HCN1: variants seen among roughly 807,000 people sequenced by gnomAD.
The protein encoded by HCN1 is potassium/sodium hyperpolarization-activated cyclic nucleotide-gated channel 1.
In HCN1, 13 loss-of-function variants were observed where a neutral mutation model predicts 78.9. That is an observed-to-expected ratio of 0.16 (90% CI 0.11 to 0.26). The LOEUF is 0.26. Ranked by LOEUF, HCN1 falls within the 10% of genes least tolerant of loss-of-function variation. The pLI is 1.00. For missense variants in HCN1, 810 were observed against 1,154.3 expected, an observed-to-expected ratio of 0.70 and a Z score of 4.32; for synonymous variants, 552 against 455.5, an observed-to-expected ratio of 1.21 and a Z score of -2.70.
intron 2 of HCN1, among the ~76,000 whole-genome samples, chr5:45,557,006 G>T (rs185346386): frequency 7.9e-5 from 12 of 151,860 alleles, no homozygotes; most frequent in Non-Finnish European, 1.5e-4. Context: ...TTCGATTTCC[G>T]TTCTCTTGTC....
intron 5 of HCN1, among the ~76,000 whole-genome samples, chr5:45,317,458 A>G (rs1259452334): frequency 1.3e-5 from 2 of 152,232 alleles, no homozygotes; most frequent in Non-Finnish European, 2.9e-5. Context: ...AACCATAAAA[A>G]CCCTAGAAGA....
chr5:45,407,174 G>A (rs780013525), intron 3 of HCN1, among the ~76,000 whole-genome samples: 4 of 152,104 alleles, frequency 2.6e-5, no homozygotes, highest in Non-Finnish European at 2.9e-5. Flanking sequence ...ATGATGGACC[G>A]TACATTCAGC....
At chr5:45,277,371 CAGA>C (rs1232055248) in intron 6 of HCN1, among the ~76,000 whole-genome samples, 1 of 152,032 alleles carries the variant, frequency 6.6e-6, no homozygotes, top group Non-Finnish European at 1.5e-5. Context: ...GCACTGACAA[CAGA>C]AGTAGTCTCT....
chr5:45,259,089 G>A lies in HCN1; in HGVS notation c.*2832C>T, dbSNP rs1383657587. On this transcript the variant is annotated 3_prime_UTR_variant, in exon 8 of 8. Transcript: ENST00000303230. Reference sequence around the variant, plus strand: ...TTGAAAAATCCATGTTCTATTTAAAGTCCTCTCATTCCAGAATTATAGAAT... The same window carrying A: ...TTGAAAAATCCATGTTCTATTTAAAATCCTCTCATTCCAGAATTATAGAAT... 6.6e-6 allele frequency: 1 copy of A among 151,870 alleles called. No individual in the cohort carries two copies. The highest frequency in any genetic ancestry group is 2.1e-4 in the South Asian group (1 of 4,820). The allele number at this position is 151,870 out of a possible 1,614,324, so 9.4% of individuals were successfully genotyped here.
Position 45,267,162 on chromosome 5 carries a change from G to A in HCN1, c.1710C>T (p.Asn570=), listed in dbSNP as rs141455774. The change falls in exon 7 of 8, where the codon AAC becomes AAT. Residue 570 remains asparagine (N), a synonymous_variant. Coordinates refer to ENST00000303230, the MANE Select transcript of HCN1 (RefSeq NM_021072.4). ...RLYSLSVDNF[N]EVLEEYPMMR... is the part of the protein sequence containing the mutation. Reference sequence around the variant, plus strand: ...TCATTGGATATTCCTCCAGGACCTCGTTGAAATTGTCCACGGAAAGTGAGT... The same window carrying A: ...TCATTGGATATTCCTCCAGGACCTCATTGAAATTGTCCACGGAAAGTGAGT... 92 of 1,613,694 alleles carry A rather than the reference G, an allele frequency of 5.7e-5. No individual in the cohort carries two copies. In the African/African-American group the frequency reaches 1.1e-3, roughly 19 times the overall value.
intron 2 of HCN1, among the ~76,000 whole-genome samples, chr5:45,585,922 T>G (rs1404477012): frequency 6.6e-6 from 1 of 152,164 alleles, no homozygotes; most frequent in Non-Finnish European, 1.5e-5. Flanking sequence ...GTGTGAGGTG[T>G]CAGTCTGCCC....
intron 2 of HCN1, among the ~76,000 whole-genome samples, chr5:45,579,590 C>A (rs2049656): frequency 1.9e-4 from 29 of 151,878 alleles, no homozygotes; most frequent in Non-Finnish European, 1.0e-4. Flanking sequence ...AAGAGCCAAA[C>A]AAAAAAGTGA....
chr5:45,313,585 T>A (rs1331945210), intron 5 of HCN1, among the ~76,000 whole-genome samples: 1 of 152,132 alleles, frequency 6.6e-6, no homozygotes, highest in Non-Finnish European at 1.5e-5. Context: ...AAGGAGGAAG[T>A]GCAAATCCAC....
chr5:45,499,952 CACAA>C (rs1003539456), intron 2 of HCN1, among the ~76,000 whole-genome samples: 4 of 152,144 alleles, frequency 2.6e-5, no homozygotes, highest in African/African-American at 7.2e-5. Context: ...ACATAAAACA[CACAA>C]ACACAGTCTG....
chr5:45,593,372 C>G (rs1340458629), intron 2 of HCN1, among the ~76,000 whole-genome samples: 1 of 144,130 alleles, frequency 6.9e-6, no homozygotes, highest in Non-Finnish European at 1.5e-5. Flanking sequence ...ACACACACAC[C>G]CCACATGTAA....
intron 5 of HCN1, among the ~76,000 whole-genome samples, chr5:45,321,984 A>T (rs1361743066): frequency 1.3e-5 from 2 of 151,884 alleles, no homozygotes; most frequent in Non-Finnish European, 2.9e-5. Flanking sequence ...CCTCACCAGA[A>T]AATTAGTGTA....
intron 2 of HCN1, among the ~76,000 whole-genome samples, chr5:45,491,927 T>C (rs1261524910): frequency 6.6e-6 from 1 of 152,168 alleles, no homozygotes; most frequent in Non-Finnish European, 1.5e-5. Flanking sequence ...GTACTACCTA[T>C]ATATAAATGT....
intron 2 of HCN1, among the ~76,000 whole-genome samples, chr5:45,514,517 G>T (rs376853847): frequency 2.0e-5 from 3 of 151,958 alleles, no homozygotes; most frequent in Non-Finnish European, 4.4e-5. Flanking sequence ...TCAAAACCTG[G>T]TACAAATAGT....
intron 2 of HCN1, among the ~76,000 whole-genome samples, chr5:45,636,019 G>A (rs1365530914): frequency 6.6e-6 from 1 of 152,110 alleles, no homozygotes; most frequent in Admixed American, 6.6e-5. Context: ...AAAAAAGCAT[G>A]TATTTTCCCT....
At chr5:45,427,695 A>G (rs1740379929) in intron 3 of HCN1, among the ~76,000 whole-genome samples, 2 of 152,126 alleles carry the variant, frequency 1.3e-5, no homozygotes, top group Admixed American at 1.3e-4. Flanking sequence ...CATATATCAA[A>G]TGTTTGGTTG....
chr5:45,645,615 CA>C lies in HCN1; in HGVS notation c.426-8del. 6.3e-7 allele frequency: 1 copy of C among 1,575,752 alleles called. No individual in the cohort carries two copies. Among genetic ancestry groups the C allele is most frequent in the Non-Finnish European group, 8.6e-7 (1 of 1,159,632 alleles). On this transcript the variant is annotated splice_polypyrimidine_tract_variant and splice_region_variant and intron_variant, in intron 1 of 7. Coordinates refer to ENST00000303230, the MANE Select transcript of HCN1 (RefSeq NM_021072.4). ...TATTAAATCCCAGTAAAACCTACAA[CA>C]AATAAAAAAATCAGATTTTAAGATA...
chr5:45,625,327 C>T (rs1205350236), intron 2 of HCN1, among the ~76,000 whole-genome samples: 11 of 143,152 alleles, frequency 7.7e-5, no homozygotes, highest in Non-Finnish European at 1.6e-4. Context: ...CAAAACAAAA[C>T]AAAAAAAACT....
chr5:45,669,901 A>G (rs1176307240), intron 1 of HCN1, among the ~76,000 whole-genome samples: 1 of 151,724 alleles, frequency 6.6e-6, no homozygotes, highest in East Asian at 1.9e-4. Flanking sequence ...AGAATAAGTG[A>G]AATTTGATTA....
chr5:45,481,091 T>A (rs1741641528), intron 2 of HCN1, among the ~76,000 whole-genome samples: 1 of 152,190 alleles, frequency 6.6e-6, no homozygotes, highest in African/African-American at 2.4e-5. Context: ...AACAGTTCAG[T>A]AAAAGCTACA....
Sources: allele counts gnomAD v4.1 joint callset (sites outside exome capture counted in the v4.1 genomes callset), GRCh38; gene constraint gnomAD v4.1.1; transcripts MANE v1.5; gene names NCBI Gene and HGNC (gene_info 2026-07-23, HGNC 2026-07-21).